GSPT1: variants seen among roughly 807,000 people sequenced by gnomAD.
GSPT1 encodes G1 to S phase transition 1.
A neutral mutation model predicts 72.5 loss-of-function variants in GSPT1; 20 were observed. That is an observed-to-expected ratio of 0.28 (90% CI 0.19 to 0.40). GSPT1 has a LOEUF of 0.40. GSPT1 is among the 10% of genes least tolerant of loss of function. The pLI is 1.00. For missense variants in GSPT1, 580 were observed against 811.9 expected, an observed-to-expected ratio of 0.71 and a Z score of 3.47; for synonymous variants, 334 against 293.5, an observed-to-expected ratio of 1.14 and a Z score of -1.41.
intron 9 of GSPT1, among the ~76,000 whole-genome samples, chr16:11,886,189 G>A (rs928363454): frequency 6.6e-6 from 1 of 151,822 alleles, no homozygotes; most frequent in Admixed American, 6.6e-5. Context: ...CATAAAGTGG[G>A]AGAAAATACT....
At chr16:11,903,050 C>A (rs185686346) in intron 1 of GSPT1, among the ~76,000 whole-genome samples, 1 of 152,028 alleles carries the variant, frequency 6.6e-6, no homozygotes, top group Non-Finnish European at 1.5e-5. Flanking sequence ...AAAGGAAACC[C>A]GTATTCATTT....
intron 1 of GSPT1, chr16:11,908,468 T>G (rs1226290261): frequency 8.2e-6 from 1 of 121,588 alleles, no homozygotes; most frequent in African/African-American, 3.6e-5. Flanking sequence ...CTACTAAAAA[T>G]ACAAAAATTA....
At chr16:11,913,285 T>C (rs1479665896) in intron 1 of GSPT1, among the ~76,000 whole-genome samples, 1 of 152,172 alleles carries the variant, frequency 6.6e-6, no homozygotes, top group East Asian at 1.9e-4. Context: ...ACATCCTACA[T>C]AGGATAATTT....
chr16:11,875,059 A>G (rs540141827), intron 14 of GSPT1, among the ~76,000 whole-genome samples: 39 of 152,214 alleles, frequency 2.6e-4, no homozygotes, highest in African/African-American at 8.4e-4. Context: ...GCATGGTGGC[A>G]GCACCTATAG....
chr16:11,877,334 G>C lies in GSPT1; in HGVS notation c.1602+73C>G. ...TAACTGGCATGTCACAAATAATCAG[G>C]ACAAAAGGCACTGATATTCTAATTT... is the stretch of plus-strand genomic sequence containing the variant. On this transcript the variant is annotated intron_variant, in intron 12 of 14. Transcript: ENST00000434724. The surrounding 1 kb of genome is among the most constrained non-coding windows in gnomAD (Gnocchi z 4.0). 1 of 1,045,964 alleles carries C rather than the reference G, an allele frequency of 9.6e-7. No homozygotes were observed. The highest frequency in any genetic ancestry group is 1.4e-6 in the Non-Finnish European group (1 of 723,694). 64.8% of individuals were successfully genotyped at this position (1,045,964 alleles called of 1,614,324 possible). A position where few individuals can be genotyped will look rare whatever the true frequency, so the allele number is the denominator to read the frequency against.
chr16:11,878,599 A>G (rs1319536029), intron 11 of GSPT1, among the ~76,000 whole-genome samples: 2 of 151,960 alleles, frequency 1.3e-5, no homozygotes, highest in East Asian at 3.9e-4. Flanking sequence ...GTCTTTAAAA[A>G]AAAAAAAAAA....
Position 11,877,428 on chromosome 16 carries a change from A to T in GSPT1, c.1581T>A (p.Ser527=). The change falls in exon 12 of 15, where the codon TCT becomes TCA. Residue 527 remains serine, a synonymous_variant. Transcript: ENST00000434724. This position sits in a 1 kb window ranked among gnomAD's most constrained non-coding sequence, Gnocchi z 4.0. ...ILCDPNNLCH[S]GRTFDAQIVI... ...TTACCTGGGCATCAAATGTGCGTCC[A>T]GAATGACAAAGATTATTAGGATCAC... 2 of 1,591,896 alleles carry T rather than the reference A, an allele frequency of 1.3e-6. No homozygotes were observed. Among genetic ancestry groups the T allele is most frequent in the Non-Finnish European group, 1.7e-6 (2 of 1,171,350 alleles).
chr16:11,888,489 C>A (rs1296963385), intron 6 of GSPT1, among the ~76,000 whole-genome samples: 1 of 148,716 alleles, frequency 6.7e-6, no homozygotes, highest in African/African-American at 2.5e-5. Flanking sequence ...GGGCTAGGTG[C>A]AGTGGCTCAT....
intron 5 of GSPT1, among the ~76,000 whole-genome samples, chr16:11,893,807 C>A (rs2054300065): frequency 1.3e-5 from 2 of 151,906 alleles, no homozygotes; most frequent in Non-Finnish European, 2.9e-5. Context: ...TGTTTAACAG[C>A]CTGTCTTAGA....
intron 1 of GSPT1, among the ~76,000 whole-genome samples, chr16:11,904,900 C>G (rs1280027778): frequency 6.6e-6 from 1 of 152,142 alleles, no homozygotes; most frequent in East Asian, 1.9e-4. Flanking sequence ...GCCTGGGAAA[C>G]ACAAGGAGAC....
chr16:11,882,947 A>G (rs2054139472), intron 11 of GSPT1, 68 bp downstream of exon 11: 3 of 954,048 alleles, frequency 3.1e-6, no homozygotes, highest in African/African-American at 3.2e-5. Flanking sequence ...ACAGAAGAAG[A>G]CCCTATCTCT....
chr16:11,871,882 T>C lies in GSPT1; in HGVS notation c.*1237A>G, dbSNP rs1461191725. ...CTAAAACCCACACAATGCTGCACTG[T>C]GGTTCATCAAAAACATGGTTAGCAA... On this transcript the variant is annotated 3_prime_UTR_variant, in exon 15 of 15. Coordinates refer to ENST00000434724, the MANE Select transcript of GSPT1 (RefSeq NM_002094.4). 1 of 152,152 alleles carries C rather than the reference T, an allele frequency of 6.6e-6. No homozygotes were observed. The highest frequency in any genetic ancestry group is 1.9e-4 in the East Asian group (1 of 5,198). 9.4% of individuals were successfully genotyped at this position (152,152 alleles called of 1,614,324 possible). A position where few individuals can be genotyped will look rare whatever the true frequency, so the allele number is the denominator to read the frequency against.
At chr16:11,914,364 G>A (rs1193474103) in intron 1 of GSPT1, among the ~76,000 whole-genome samples, 2 of 152,206 alleles carry the variant, frequency 1.3e-5, no homozygotes, top group Non-Finnish European at 2.9e-5. Context: ...TACAACGTCA[G>A]CACCTGCAAG....
intron 10 of GSPT1, among the ~76,000 whole-genome samples, chr16:11,884,531 G>A (rs1276791684): frequency 2.0e-5 from 3 of 152,280 alleles, no homozygotes; most frequent in South Asian, 2.1e-4. Context: ...AAGCCAAGGC[G>A]GGCGGATCAC....
At position 11,870,423 on chromosome 16, in the gene GSPT1, A is replaced by G. The variant is rs2053965931; in HGVS notation, c.*2696T>C. On this transcript the variant is annotated 3_prime_UTR_variant, in exon 15 of 15. Transcript: ENST00000434724. ...GAACATCATTAATGTGAAAAGATGCAAGAAAAAAATCATTCTAGTAGAGCA... is the reference window on the plus strand; with the variant it reads ...GAACATCATTAATGTGAAAAGATGCGAGAAAAAAATCATTCTAGTAGAGCA... 6.6e-6 allele frequency: 1 copy of G among 152,250 alleles called. No individual in the cohort carries two copies. Among genetic ancestry groups the G allele is most frequent in the Admixed American group, 6.5e-5 (1 of 15,282 alleles). The allele number at this position is 152,250 out of a possible 1,614,324, so 9.4% of individuals were successfully genotyped here. A position where few individuals can be genotyped will look rare whatever the true frequency, so the allele number is the denominator to read the frequency against.
intron 1 of GSPT1, chr16:11,915,065 A>G: frequency 1.5e-6 from 2 of 1,291,720 alleles, no homozygotes; most frequent in Non-Finnish European, 2.0e-6. Flanking sequence ...ACTCCGTTCC[A>G]TACGGTTCCC....
intron 6 of GSPT1, among the ~76,000 whole-genome samples, chr16:11,889,321 CTCT>C (rs1411390262): frequency 6.4e-5 from 9 of 141,436 alleles, no homozygotes; most frequent in African/African-American, 1.1e-4. Context: ...ACCCCCACCC[CTCT>C]TCTTCTTTTT....
At chr16:11,876,032 T>A in intron 13 of GSPT1, 54 bp downstream of exon 13, 1 of 1,460,194 alleles carries the variant, frequency 6.8e-7, no homozygotes. Flanking sequence ...TGATTAGAAA[T>A]TATGAAGATA....
In GSPT1 at chr16:11,870,719, C is replaced by G. The variant is rs1325419533; in HGVS notation, c.*2400G>C. The G allele has an allele frequency of 6.6e-6, 1 of 152,188 alleles. No individual in the cohort carries two copies. Among genetic ancestry groups the G allele is most frequent in the African/African-American group, 2.4e-5 (1 of 41,446 alleles). The allele number at this position is 152,188 out of a possible 1,614,324, so 9.4% of individuals were successfully genotyped here. ...AGAACAATTTTCAAAGCCCATAGAA[C>G]TTATGTTGCTGGTTAATTTTAGCAC... On this transcript the variant is annotated 3_prime_UTR_variant, in exon 15 of 15. Transcript: ENST00000434724.
Sources: gnomAD v4.1 joint callset for allele counts (sites outside exome capture counted in the v4.1 genomes callset) on GRCh38, gnomAD v4.1.1 for gene constraint, Gnocchi (gnomAD v3.1) non-coding constraint, MANE v1.5 for transcripts, NCBI Gene and HGNC (gene_info 2026-07-23, HGNC 2026-07-21) for gene names.